NPAS3: variants seen among roughly 807,000 people sequenced by gnomAD.
NPAS3 encodes the protein neuronal PAS domain protein 3, also known as neuronal PAS domain-containing protein 3.
In NPAS3, 14 loss-of-function variants were observed where a neutral mutation model predicts 73.1. That is an observed-to-expected ratio of 0.19 (90% CI 0.13 to 0.30). NPAS3 has a LOEUF of 0.30. Ranked by LOEUF, NPAS3 falls within the 10% of genes least tolerant of loss-of-function variation. The pLI is 1.00. For missense variants in NPAS3, 1,096 were observed against 1,250.0 expected (o/e 0.88, Z 1.86); for synonymous variants, 620 against 541.5 (o/e 1.14, Z -2.01).
At chr14:33,285,085 A>G (rs2041819394) in intron 3 of NPAS3, among the ~76,000 whole-genome samples, 2 of 152,196 alleles carry the variant, frequency 1.3e-5, no homozygotes, top group South Asian at 2.1e-4. Flanking sequence ...TCATGTTTCC[A>G]TTCCTAGCAT....
At chr14:33,304,902 G>A (rs1278730548) in intron 3 of NPAS3, among the ~76,000 whole-genome samples, 1 of 151,976 alleles carries the variant, frequency 6.6e-6, no homozygotes, top group Non-Finnish European at 1.5e-5. Context: ...CCTCACTGTC[G>A]CATTTGTAAT....
chr14:32,981,805 T>C (rs2037909558), intron 1 of NPAS3, among the ~76,000 whole-genome samples: 1 of 152,146 alleles, frequency 6.6e-6, no homozygotes, highest in African/African-American at 2.4e-5. Context: ...ACAGAACCAA[T>C]GCACACTCAA....
rs149309379 is a variant in NPAS3, at chr14:33,049,963, T to A, written c.51-5942T>A. On this transcript the variant is annotated intron_variant, in intron 1 of 11. Coordinates refer to ENST00000356141, the Ensembl canonical transcript of NPAS3. Reference sequence around the variant, plus strand: ...TCTTAGTTTTTTTGCTGCTTTTACCTTAAGGTTTCTTATCATGTAAAGCTT... The same window carrying A: ...TCTTAGTTTTTTTGCTGCTTTTACCATAAGGTTTCTTATCATGTAAAGCTT... 3.9e-3 allele frequency among the ~76,000 whole-genome samples: 598 copies of A among 152,322 alleles called. 3 individuals are homozygous for A. The highest frequency in any genetic ancestry group is 0.012 in the African/African-American group (498 of 41,570).
At chr14:33,056,071 CT>C in intron 2 of NPAS3, 77 bp downstream of exon 2, 1 of 654,672 alleles carries the variant, frequency 1.5e-6, no homozygotes, top group Non-Finnish European at 2.7e-6. Flanking sequence ...CAAAAATATC[CT>C]TGTATTGAAA....
intron 4 of NPAS3, among the ~76,000 whole-genome samples, chr14:33,531,595 T>C (rs1391135401): frequency 6.6e-6 from 1 of 152,118 alleles, no homozygotes; most frequent in Non-Finnish European, 1.5e-5. Context: ...ACATTTGGGT[T>C]GATTCAATAT....
At chr14:33,047,409 AG>A (rs1231641026) in intron 1 of NPAS3, among the ~76,000 whole-genome samples, 2 of 152,188 alleles carry the variant, frequency 1.3e-5, no homozygotes, top group Non-Finnish European at 2.9e-5. Context: ...TAAAGAGATC[AG>A]ATGGTACCCA....
chr14:33,207,460 A>T (rs745812335), intron 2 of NPAS3, among the ~76,000 whole-genome samples: 2 of 152,192 alleles, frequency 1.3e-5, no homozygotes, highest in Non-Finnish European at 2.9e-5. Flanking sequence ...AGAATAGTCC[A>T]AATTGTAAAC....
At chr14:33,239,792 A>G (rs1594479450) in intron 3 of NPAS3, among the ~76,000 whole-genome samples, 2 of 152,066 alleles carry the variant, frequency 1.3e-5, no homozygotes, top group South Asian at 4.1e-4. Context: ...CAGCATCAAA[A>G]TGGAGACCTA....
At chr14:33,127,047 A>T (rs150515365) in intron 2 of NPAS3, among the ~76,000 whole-genome samples, 3,319 of 152,082 alleles carry the variant, frequency 0.022, 50 homozygotes, top group Middle Eastern at 0.041. Context: ...CTGGCTCTCC[A>T]ACTGAGAGAT....
intron 2 of NPAS3, among the ~76,000 whole-genome samples, chr14:33,097,164 G>A (rs2138860009): frequency 6.6e-6 from 1 of 152,072 alleles, no homozygotes; most frequent in South Asian, 2.1e-4. Context: ...GATCGCCTGA[G>A]CCCAGGAATT....
chr14:33,268,576 G>C (rs1425980135), intron 3 of NPAS3, among the ~76,000 whole-genome samples: 1 of 151,886 alleles, frequency 6.6e-6, no homozygotes, highest in Non-Finnish European at 1.5e-5. Flanking sequence ...CTCCTCTACT[G>C]GTTTGCAGAT....
intron 2 of NPAS3, among the ~76,000 whole-genome samples, chr14:33,105,378 C>A (rs1338210857): frequency 6.6e-6 from 1 of 152,126 alleles, no homozygotes; most frequent in Non-Finnish European, 1.5e-5. Flanking sequence ...GGAGCAAGAA[C>A]TACTATGATG....
intron 3 of NPAS3, among the ~76,000 whole-genome samples, chr14:33,338,478 G>A (rs2044327525): frequency 6.6e-6 from 1 of 152,090 alleles, no homozygotes; most frequent in Non-Finnish European, 1.5e-5. Flanking sequence ...CGGCACATTT[G>A]TCTCTCAAAT....
chr14:33,269,856 A>G (rs972865682), intron 3 of NPAS3, among the ~76,000 whole-genome samples: 1 of 152,184 alleles, frequency 6.6e-6, no homozygotes, highest in African/African-American at 2.4e-5. Context: ...TGAAATACTC[A>G]TTCAACCAGT....
chr14:33,641,696 C>T (rs1374710417), intron 5 of NPAS3, among the ~76,000 whole-genome samples: 1 of 151,954 alleles, frequency 6.6e-6, no homozygotes, highest in African/African-American at 2.4e-5. Flanking sequence ...CATAGTGATG[C>T]TCCTAATTTT....
chr14:33,704,357 A>G (rs1292320484), intron 6 of NPAS3, among the ~76,000 whole-genome samples: 1 of 152,246 alleles, frequency 6.6e-6, no homozygotes, highest in African/African-American at 2.4e-5. Flanking sequence ...TGAGAATTTA[A>G]AAATTTAACA....
At chr14:33,132,019 T>C (rs1188941959) in intron 2 of NPAS3, among the ~76,000 whole-genome samples, 1 of 152,120 alleles carries the variant, frequency 6.6e-6, no homozygotes, top group African/African-American at 2.4e-5. Context: ...CCTTAGGAGC[T>C]GAAACCACAG....
intron 4 of NPAS3, among the ~76,000 whole-genome samples, chr14:33,399,634 C>T (rs1051321196): frequency 1.3e-5 from 2 of 150,474 alleles, no homozygotes; most frequent in African/African-American, 4.9e-5. Flanking sequence ...GTCCTGAACC[C>T]TTGATTAGTT....
chr14:33,154,077 T>A (rs79738748), intron 2 of NPAS3, among the ~76,000 whole-genome samples: 1 of 152,208 alleles, frequency 6.6e-6, no homozygotes, highest in Non-Finnish European at 1.5e-5. Flanking sequence ...GATCTCTTTA[T>A]GGAAAAATAT....
Sources: allele counts gnomAD v4.1 joint callset (sites outside exome capture counted in the v4.1 genomes callset), GRCh38; gene constraint gnomAD v4.1.1; transcripts MANE v1.5; gene names NCBI Gene and HGNC (gene_info 2026-07-23, HGNC 2026-07-21).